Variants in SEC24A observed in about 807,000 individuals in gnomAD.
The protein encoded by SEC24A is protein transport protein Sec24A.
In SEC24A, 93 loss-of-function variants were observed where a neutral mutation model predicts 129.4. That is an observed-to-expected ratio of 0.72 (90% confidence interval 0.61 to 0.85). The LOEUF (loss-of-function observed/expected upper bound fraction) is 0.85. Ranked by LOEUF, SEC24A falls within the 40% of genes least tolerant of loss-of-function variation. The pLI, the probability that SEC24A is intolerant of heterozygous loss-of-function variation, is 0.00. For missense variants in SEC24A, 1,264 were observed against 1,307.4 expected, an observed-to-expected ratio of 0.97 and a Z score of 0.51; for synonymous variants, 460 against 467.3, an observed-to-expected ratio of 0.98 and a Z score of 0.20.
At chr5:134,658,507 T>C (rs1318490501) in intron 1 of SEC24A, among the ~76,000 whole-genome samples, 1 of 152,188 alleles carries the variant, frequency 6.6e-6, no homozygotes. Context: ...CAAGCAGTCC[T>C]CTTGCCTCAG....
intron 18 of SEC24A, among the ~76,000 whole-genome samples, chr5:134,711,441 G>A (rs1752321516): frequency 6.6e-6 from 1 of 151,930 alleles, no homozygotes; most frequent in African/African-American, 2.4e-5. Context: ...ACCTTGGGAG[G>A]CAAAGGCGGG....
intron 3 of SEC24A, 64 bp downstream of exon 3, chr5:134,667,060 T>C: frequency 7.4e-7 from 1 of 1,352,296 alleles, no homozygotes; most frequent in East Asian, 2.5e-5. Context: ...AGATGAATAT[T>C]AGCTGAATTC....
chr5:134,661,008 A>T, intron 1 of SEC24A, 111 bp from the exon 2 acceptor site: 2 of 791,826 alleles, frequency 2.5e-6, no homozygotes, highest in Non-Finnish European at 4.1e-6. Flanking sequence ...CTTATTTTTT[A>T]ATTGAGTTAT....
At chr5:134,711,905 G>A (rs1350858171) in intron 18 of SEC24A, among the ~76,000 whole-genome samples, 16 of 151,944 alleles carry the variant, frequency 1.1e-4, no homozygotes, top group Admixed American at 9.8e-4. Flanking sequence ...CCACTACCAC[G>A]CCCGGCTAAT....
chr5:134,700,759 T>C (rs113011087), intron 15 of SEC24A, among the ~76,000 whole-genome samples: 2,504 of 151,794 alleles, frequency 0.016, 33 homozygotes, highest in African/African-American at 0.039. Flanking sequence ...TGCTCTTTTG[T>C]CCAGGCTGGA....
intron 1 of SEC24A, among the ~76,000 whole-genome samples, chr5:134,656,740 A>T (rs1201531733): frequency 6.6e-6 from 1 of 150,450 alleles, no homozygotes; most frequent in African/African-American, 2.4e-5. Context: ...TCGGCCTCCC[A>T]AAGTGTTGGG....
intron 1 of SEC24A, among the ~76,000 whole-genome samples, chr5:134,659,645 C>CTTTTTTT (rs1173408628): frequency 2.5e-5 from 3 of 122,046 alleles, no homozygotes; most frequent in East Asian, 2.4e-4. Context: ...ACCTCATATT[C>CTTTTTTT]TTTTTTTTTT....
intron 1 of SEC24A, among the ~76,000 whole-genome samples, chr5:134,650,376 A>G (rs562069875): frequency 6.6e-6 from 1 of 152,330 alleles, no homozygotes; most frequent in Non-Finnish European, 1.5e-5. Flanking sequence ...GTTTTACATT[A>G]ACTTTAAATG....
Position 134,648,955 on chromosome 5 carries a change from CT to C in SEC24A, c.-121del, listed in dbSNP as rs61421945. The stretch of plus-strand genomic sequence containing the variant: ...TGCCTCGGGCTTAATGCGCCCCCCC[CT>C]CTTCTCCCAGTCTTCAGTCTTAAGT... On this transcript the variant is annotated 5_prime_UTR_variant, in exon 1 of 23. An upstream open reading frame in the 5' UTR gains an earlier in-frame stop. Transcript: ENST00000398844. 0.15 allele frequency: 96,888 copies of C among 654,854 alleles called. 8,637 individuals are homozygous for C. Among genetic ancestry groups the C allele is most frequent in the South Asian group, 0.34 (16,479 of 48,540 alleles). 40.6% of individuals were successfully genotyped at this position (654,854 alleles called of 1,614,324 possible). A position where few individuals can be genotyped will look rare whatever the true frequency, so the allele number is the denominator to read the frequency against.
Position 134,709,021 on chromosome 5 carries a change from T to C in SEC24A, c.2727+133T>C, listed in dbSNP as rs115472306. On this transcript the variant is annotated intron_variant, in intron 18 of 22. Coordinates refer to ENST00000398844, the MANE Select transcript of SEC24A (RefSeq NM_021982.3). ...AGGCATTTGAGACCAGCCTGGGCAA[T>C]ATGGTGAAACCTGGTCTCTGCAAAA... The C allele has an allele frequency of 1.0e-3, 807 of 807,584 alleles. 5 individuals are homozygous for C. The African/African-American group carries it at 0.012, about 12-fold the overall frequency. The allele number at this position is 807,584 out of a possible 1,614,324, so 50.0% of individuals were successfully genotyped here. A position where few individuals can be genotyped will look rare whatever the true frequency, so the allele number is the denominator to read the frequency against.
intron 16 of SEC24A, 30 bp from the exon 17 acceptor site, chr5:134,705,297 C>A (rs967158327): frequency 6.6e-7 from 1 of 1,518,890 alleles, no homozygotes; most frequent in Non-Finnish European, 9.1e-7. Flanking sequence ...ATAGTTGCCC[C>A]TCACTGTTGT....
intron 17 of SEC24A, 68 bp from the exon 18 acceptor site, chr5:134,708,645 A>G (rs1483410020): frequency 4.3e-6 from 6 of 1,397,966 alleles, no homozygotes; most frequent in Middle Eastern, 1.8e-4. Flanking sequence ...TATCTCTTCT[A>G]TCCTTAACAG....
At chr5:134,724,161 A>G (rs1201316823) in intron 22 of SEC24A, among the ~76,000 whole-genome samples, 5 of 152,156 alleles carry the variant, frequency 3.3e-5, no homozygotes, top group African/African-American at 9.7e-5. Flanking sequence ...AATAACCATA[A>G]TTCTACTTTC....
chr5:134,679,832 T>C, intron 8 of SEC24A, 104 bp downstream of exon 8: 2 of 895,566 alleles, frequency 2.2e-6, no homozygotes, highest in Non-Finnish European at 3.1e-6. Flanking sequence ...TTTATTTACC[T>C]CTAGTCAATC....
rs149683049 is a variant in SEC24A, at chr5:134,708,355, G to A, written c.2552-358G>A. ...TAAAATTTCAAAAGAACTCTGTTTC[G>A]AAACATTGTGCATTTCAGGAAACAC... On this transcript the variant is annotated intron_variant, in intron 17 of 22. Transcript: ENST00000398844. 6.4e-4 allele frequency among the ~76,000 whole-genome samples: 98 copies of A among 152,240 alleles called. 1 individual carries two copies. Among genetic ancestry groups the A allele is most frequent in the African/African-American group, 2.2e-3 (92 of 41,544 alleles).
intron 15 of SEC24A, among the ~76,000 whole-genome samples, chr5:134,698,982 G>A (rs1267555301): frequency 6.6e-6 from 1 of 152,066 alleles, no homozygotes; most frequent in Non-Finnish European, 1.5e-5. Flanking sequence ...CTGGAGTGCA[G>A]TGGTGCAATC....
At chr5:134,683,011 A>G (rs577530081) in intron 9 of SEC24A, among the ~76,000 whole-genome samples, 1 of 151,920 alleles carries the variant, frequency 6.6e-6, no homozygotes, top group African/African-American at 2.4e-5. Flanking sequence ...TTCCAATATG[A>G]TATTGGGCTC....
chr5:134,685,976 G>A (rs991164987), intron 9 of SEC24A, among the ~76,000 whole-genome samples: 7 of 151,694 alleles, frequency 4.6e-5, no homozygotes, highest in African/African-American at 1.5e-4. Context: ...GGGACACAGC[G>A]AGACTCCATC....
At chr5:134,686,089 A>G (rs1195786361) in intron 9 of SEC24A, among the ~76,000 whole-genome samples, 1 of 152,166 alleles carries the variant, frequency 6.6e-6, no homozygotes, top group Middle Eastern at 3.2e-3. Context: ...TCAGAGCTAT[A>G]ATTTCCCTAA....
Sources: allele counts gnomAD v4.1 joint callset (sites outside exome capture counted in the v4.1 genomes callset), GRCh38; gene constraint gnomAD v4.1.1; transcripts MANE v1.5; gene names NCBI Gene and HGNC (gene_info 2026-07-23, HGNC 2026-07-21).